Variants in PRKCQ observed in about 807,000 individuals in gnomAD.
PRKCQ encodes the protein protein kinase C theta.
A neutral mutation model predicts 91.2 loss-of-function variants in PRKCQ; 41 were observed. That is an observed-to-expected ratio of 0.45 (90% CI 0.35 to 0.58). The LOEUF (loss-of-function observed/expected upper bound fraction) is 0.58. PRKCQ is among the 20% of genes least tolerant of loss of function. The probability of loss-of-function intolerance (pLI) is 0.00; values close to 1 mark genes in which losing one functional copy is unlikely to be tolerated. For synonymous variants in PRKCQ, 307 were observed against 316.9 expected (o/e 0.97, Z 0.33); for missense variants, 673 against 896.5 (o/e 0.75, Z 3.18).
chr10:6,462,368 G>A lies in PRKCQ; in HGVS notation c.1446-3C>T. 2 of 1,613,316 alleles carry A rather than the reference G, an allele frequency of 1.2e-6. No individual in the cohort carries two copies. Among genetic ancestry groups the A allele is most frequent in the South Asian group, 1.1e-5 (1 of 90,952 alleles). On this transcript the variant is annotated splice_polypyrimidine_tract_variant and splice_region_variant and intron_variant, in intron 13 of 17. Transcript: ENST00000263125. Reference sequence around the variant, plus strand: ...GAATGATTTCAGCAGCATAAAACCTGGGGGAAGGAGAACCAAGGTTCAACA... The same window carrying A: ...GAATGATTTCAGCAGCATAAAACCTAGGGGAAGGAGAACCAAGGTTCAACA...
intron 1 of PRKCQ, among the ~76,000 whole-genome samples, chr10:6,524,675 T>G (rs1441952867): frequency 6.6e-6 from 1 of 152,186 alleles, no homozygotes; most frequent in Non-Finnish European, 1.5e-5. Flanking sequence ...TAACTTCTGA[T>G]GTTGAATATG....
At chr10:6,533,547 C>T (rs1317217259) in intron 1 of PRKCQ, among the ~76,000 whole-genome samples, 1 of 152,160 alleles carries the variant, frequency 6.6e-6, no homozygotes, top group Admixed American at 6.6e-5. Flanking sequence ...ATGGATCCAC[C>T]ATTACAGTGG....
At position 6,484,504 on chromosome 10, in the gene PRKCQ, C is replaced by T. The variant is rs146287138; in HGVS notation, c.1018+648G>A. Among the ~76,000 whole-genome samples, 988 of 152,204 alleles carry T rather than the reference C, an allele frequency of 6.5e-3. 14 individuals carry two copies. Among genetic ancestry groups the T allele is most frequent in the African/African-American group, 0.022 (928 of 41,520 alleles). ...CTGGCAACCCCTCCTAAATGTAACC[C>T]AAACCTTTCATTTACATTTTTAAGT... is the stretch of plus-strand genomic sequence containing the variant. On this transcript the variant is annotated intron_variant, in intron 10 of 17. Transcript: ENST00000263125.
chr10:6,493,455 C>T (rs1168586978), intron 7 of PRKCQ, among the ~76,000 whole-genome samples: 1 of 152,150 alleles, frequency 6.6e-6, no homozygotes, highest in Non-Finnish European at 1.5e-5. Context: ...CTATTTATTT[C>T]TATCGGACAA....
In PRKCQ at chr10:6,536,910, C is replaced by T. The variant is rs181922179; in HGVS notation, c.-9-21766G>A. On this transcript the variant is annotated intron_variant, in intron 1 of 17. Coordinates refer to ENST00000263125, the MANE Select transcript of PRKCQ (RefSeq NM_006257.5). Reference sequence around the variant, plus strand: ...AGGAGAGGCTGGAGGCACCACCTTCCCTCCCAGAAACAAAACAATACCTAC... The same window carrying T: ...AGGAGAGGCTGGAGGCACCACCTTCTCTCCCAGAAACAAAACAATACCTAC... Among the ~76,000 whole-genome samples the T allele has an allele frequency of 3.7e-4, 57 of 152,314 alleles. 1 individual carries two copies. The East Asian group carries it at 9.1e-3, about 24-fold the overall frequency.
At chr10:6,443,345 T>C (rs976770142) in intron 15 of PRKCQ, among the ~76,000 whole-genome samples, 4 of 152,164 alleles carry the variant, frequency 2.6e-5, no homozygotes, top group Non-Finnish European at 4.4e-5. Context: ...AACCAGTATG[T>C]AGAGGAGACA....
intron 16 of PRKCQ, among the ~76,000 whole-genome samples, chr10:6,439,193 C>T (rs1346572934): frequency 2.0e-5 from 3 of 152,158 alleles, no homozygotes; most frequent in Admixed American, 1.3e-4. Flanking sequence ...CCTTGTGATT[C>T]TCAGAGCCCA....
chr10:6,543,973 A>G (rs1376381444), intron 1 of PRKCQ, among the ~76,000 whole-genome samples: 2 of 152,044 alleles, frequency 1.3e-5, no homozygotes, highest in African/African-American at 2.4e-5. Flanking sequence ...ACACTGAGAG[A>G]GCTGTCTCTT....
At chr10:6,493,644 G>T (rs1837440459) in intron 7 of PRKCQ, among the ~76,000 whole-genome samples, 1 of 152,222 alleles carries the variant, frequency 6.6e-6, no homozygotes, top group African/African-American at 2.4e-5. Flanking sequence ...GTGATTCAGA[G>T]ATTTGCGTTT....
intron 1 of PRKCQ, among the ~76,000 whole-genome samples, chr10:6,534,800 A>C (rs572553453): frequency 7.3e-6 from 1 of 137,326 alleles, no homozygotes. Context: ...ATAGATATAT[A>C]TATATATATA....
At chr10:6,451,878 C>G (rs548196119) in intron 15 of PRKCQ, among the ~76,000 whole-genome samples, 11 of 152,144 alleles carry the variant, frequency 7.2e-5, no homozygotes, top group East Asian at 1.9e-4. Flanking sequence ...ATTCAACAAC[C>G]CTTCATGCTA....
At chr10:6,515,516 A>G in intron 1 of PRKCQ, 1 of 985,018 alleles carries the variant, frequency 1.0e-6, no homozygotes. Flanking sequence ...AACAGCACAC[A>G]GTAATCAGAA....
chr10:6,579,837 A>ATTTT lies in PRKCQ; in HGVS notation c.-10+370_-10+373dup, dbSNP rs3086770. ...CTCCAGAAAACATGTTTCCTCACGC[A>ATTTT]TTTTTTTTTTTTTTTTTTACCAAGA... On this transcript the variant is annotated intron_variant, in intron 1 of 17. Transcript: ENST00000263125. Among the ~76,000 whole-genome samples the ATTTT allele has an allele frequency of 2.0e-4, 28 of 136,968 alleles. 1 individual carries two copies. In the South Asian group the frequency reaches 4.0e-3, roughly 20 times the overall value. 89.9% of individuals were successfully genotyped at this position (136,968 alleles called of 152,430 possible).
At chr10:6,473,731 G>T (rs1207441683) in intron 12 of PRKCQ, among the ~76,000 whole-genome samples, 4 of 152,156 alleles carry the variant, frequency 2.6e-5, no homozygotes. Flanking sequence ...CAGCATTTTT[G>T]AGAGCTTCAG....
intron 15 of PRKCQ, among the ~76,000 whole-genome samples, chr10:6,445,121 CAAAAAAAAAAAA>C (rs61291267): frequency 0.26 from 27,590 of 105,580 alleles, 3,659 homozygotes; most frequent in Admixed American, 0.37. Context: ...AAGACTCTGT[CAAAAAAAAAAAA>C]AAAAAAAAAA....
At chr10:6,485,689 G>A (rs1246188979) in intron 9 of PRKCQ, among the ~76,000 whole-genome samples, 1 of 152,168 alleles carries the variant, frequency 6.6e-6, no homozygotes, top group African/African-American at 2.4e-5. Flanking sequence ...CCATGAGGAT[G>A]ATGCTAGCAC....
At chr10:6,418,997 ATCTATCTT>A in the PRKCQ span, among the ~76,000 whole-genome samples, 1 of 138,928 alleles carries the variant, frequency 7.2e-6, no homozygotes, top group Non-Finnish European at 1.6e-5. Flanking sequence ...CTATCTATCT[ATCTATCTT>A]GCTATCTATG....
intron 1 of PRKCQ, among the ~76,000 whole-genome samples, chr10:6,521,477 GATA>G (rs61610652): frequency 0.015 from 2,350 of 152,200 alleles, 67 homozygotes; most frequent in African/African-American, 0.054. Context: ...GGAAATCACT[GATA>G]ATACTATTAC....
chr10:6,489,121 T>A (rs11259163), intron 8 of PRKCQ, among the ~76,000 whole-genome samples: 34,285 of 151,824 alleles, frequency 0.23, 3,979 homozygotes, highest in African/African-American at 0.24. Context: ...TTTTCATGAT[T>A]GTGCTCCAAA....
Sources: gnomAD v4.1 joint callset for allele counts (sites outside exome capture counted in the v4.1 genomes callset) on GRCh38, gnomAD v4.1.1 for gene constraint, MANE v1.5 for transcripts, NCBI Gene and HGNC (gene_info 2026-07-23, HGNC 2026-07-21) for gene names.